Variants in MBNL2 observed in about 807,000 individuals in gnomAD.
The protein encoded by MBNL2 is muscleblind like splicing regulator 2.
In MBNL2, 17 loss-of-function variants were observed where a neutral mutation model predicts 41.9. That is an observed-to-expected ratio of 0.41 (90% confidence interval 0.28 to 0.61). The LOEUF (loss-of-function observed/expected upper bound fraction) is 0.61. MBNL2 is among the 20% of genes least tolerant of loss of function. The pLI is 0.35. For synonymous variants in MBNL2, 195 were observed against 182.9 expected (o/e 1.07, Z -0.53); for missense variants, 336 against 505.6 (o/e 0.66, Z 3.22).
intron 1 of MBNL2, among the ~76,000 whole-genome samples, chr13:97,233,872 C>T (rs528919330): frequency 3.9e-5 from 6 of 152,100 alleles, no homozygotes; most frequent in Non-Finnish European, 8.8e-5. Flanking sequence ...TGGTGGTTTG[C>T]TGTGGGAAGA....
At chr13:97,294,750 G>A (rs115554286) in intron 2 of MBNL2, among the ~76,000 whole-genome samples, 1,567 of 152,172 alleles carry the variant, frequency 0.01, 38 homozygotes, top group African/African-American at 0.036. Flanking sequence ...ATCCCTGAAG[G>A]TCTTACTTAA....
chr13:97,287,046 G>A (rs115847775), intron 2 of MBNL2, among the ~76,000 whole-genome samples: 5 of 152,146 alleles, frequency 3.3e-5, no homozygotes, highest in African/African-American at 7.2e-5. Context: ...AATTCAAATC[G>A]CTTTTCTGGC....
At chr13:97,211,988 A>C in the MBNL2 span, among the ~76,000 whole-genome samples, 449 of 152,296 alleles carry the variant, frequency 2.9e-3, 1 homozygote, top group Non-Finnish European at 5.4e-3. Context: ...AGATGGGGAA[A>C]TATCTAAAGG....
At chr13:97,306,705 C>T (rs192352853) in intron 2 of MBNL2, among the ~76,000 whole-genome samples, 14 of 152,326 alleles carry the variant, frequency 9.2e-5, no homozygotes, top group Admixed American at 6.5e-4. Context: ...ACTTGAAGGG[C>T]TTCCCAGCAC....
chr13:97,251,595 T>C (rs759708298), intron 1 of MBNL2, among the ~76,000 whole-genome samples: 4 of 152,194 alleles, frequency 2.6e-5, no homozygotes, highest in Non-Finnish European at 4.4e-5. Context: ...TTGTTATTCT[T>C]CTTTGCATTG....
chr13:97,383,164 G>C (rs959873857), intron 8 of MBNL2, among the ~76,000 whole-genome samples: 3 of 152,196 alleles, frequency 2.0e-5, no homozygotes, highest in Non-Finnish European at 4.4e-5. Flanking sequence ...CTCAGCATGA[G>C]AGCCACAGAA....
intron 8 of MBNL2, among the ~76,000 whole-genome samples, chr13:97,369,961 A>G (rs1056702342): frequency 2.6e-5 from 4 of 152,206 alleles, no homozygotes; most frequent in Admixed American, 6.5e-5. Context: ...ACCTAATAGT[A>G]ATAATATTAT....
chr13:97,249,089 A>T (rs887880654), intron 1 of MBNL2, among the ~76,000 whole-genome samples: 2 of 152,230 alleles, frequency 1.3e-5, no homozygotes, highest in Admixed American at 6.5e-5. Flanking sequence ...TTAAAAACAC[A>T]TAATTTCTGC....
the MBNL2 span, among the ~76,000 whole-genome samples, chr13:97,213,500 C>T: frequency 6.6e-6 from 1 of 152,122 alleles, no homozygotes; most frequent in African/African-American, 2.4e-5. Flanking sequence ...TCTGAGAGGT[C>T]CTTCGGTAAA....
intron 8 of MBNL2, among the ~76,000 whole-genome samples, chr13:97,371,721 G>C (rs926962695): frequency 1.3e-5 from 2 of 152,222 alleles, no homozygotes; most frequent in Admixed American, 1.3e-4. Flanking sequence ...GACAATGGCA[G>C]CTGGCAAGTG....
At chr13:97,339,850 A>T (rs1425545559) in intron 3 of MBNL2, among the ~76,000 whole-genome samples, 1 of 136,420 alleles carries the variant, frequency 7.3e-6, no homozygotes, top group Non-Finnish European at 1.5e-5. Flanking sequence ...CCAGAAACAT[A>T]CGGGCAACTG....
intron 2 of MBNL2, among the ~76,000 whole-genome samples, chr13:97,298,677 G>A (rs1318550300): frequency 6.6e-6 from 1 of 152,004 alleles, no homozygotes; most frequent in Non-Finnish European, 1.5e-5. Context: ...ATTCTTTTCT[G>A]TCAATAAATC....
intron 8 of MBNL2, among the ~76,000 whole-genome samples, chr13:97,370,686 A>G (rs571067509): frequency 6.6e-6 from 1 of 152,096 alleles, no homozygotes; most frequent in African/African-American, 2.4e-5. Context: ...AAAAGAAAGA[A>G]AGAAAGAAAG....
chr13:97,300,000 A>G (rs1252201354), intron 2 of MBNL2, among the ~76,000 whole-genome samples: 4 of 152,236 alleles, frequency 2.6e-5, no homozygotes, highest in East Asian at 1.9e-4. Context: ...TATTCCTTCC[A>G]TATTGTGGTA....
the MBNL2 span, among the ~76,000 whole-genome samples, chr13:97,144,839 G>A: frequency 6.6e-6 from 1 of 152,200 alleles, no homozygotes; most frequent in Non-Finnish European, 1.5e-5. Context: ...AGGTCAAGGT[G>A]CAGGGCTAGA....
intron 8 of MBNL2, among the ~76,000 whole-genome samples, chr13:97,384,311 T>C (rs2065752741): frequency 6.6e-6 from 1 of 152,240 alleles, no homozygotes; most frequent in Non-Finnish European, 1.5e-5. Context: ...TCTGATACCA[T>C]ATATTCACTA....
At chr13:97,250,778 TCTC>T (rs2046359503) in intron 1 of MBNL2, among the ~76,000 whole-genome samples, 3 of 152,190 alleles carry the variant, frequency 2.0e-5, no homozygotes, top group Admixed American at 6.5e-5. Flanking sequence ...ATTACAATCC[TCTC>T]CTCCAACACT....
chr13:97,241,191 G>T (rs1316038473), intron 1 of MBNL2, among the ~76,000 whole-genome samples: 1 of 152,186 alleles, frequency 6.6e-6, no homozygotes, highest in African/African-American at 2.4e-5. Flanking sequence ...TGACCCAGTT[G>T]CCTGTGTTGG....
the MBNL2 span, among the ~76,000 whole-genome samples, chr13:97,183,011 C>A: frequency 6.6e-6 from 1 of 152,114 alleles, no homozygotes; most frequent in African/African-American, 2.4e-5. Flanking sequence ...TTCATTACTA[C>A]AGAAGGAAAG....
Sources: gnomAD v4.1 joint callset for allele counts (sites outside exome capture counted in the v4.1 genomes callset) on GRCh38, gnomAD v4.1.1 for gene constraint, MANE v1.5 for transcripts, NCBI Gene and HGNC (gene_info 2026-07-23, HGNC 2026-07-21) for gene names.